The following ITSN2 variants were observed in gnomAD, a reference collection of about 807,000 sequenced individuals.
The protein encoded by ITSN2 is intersectin-2.
In ITSN2, 156 loss-of-function variants were observed where a neutral mutation model predicts 243.7. The ratio of observed to expected loss-of-function variants is 0.64; its 90% CI spans 0.56 to 0.73. The LOEUF (loss-of-function observed/expected upper bound fraction) is 0.73, where lower values mean the gene tolerates loss of function less well. Among genes scored for constraint, ITSN2 ranks in the 30% least tolerant of loss-of-function variants. The pLI, the probability that ITSN2 is intolerant of heterozygous loss-of-function variation, is 0.00. For missense variants in ITSN2, 1,801 were observed against 1,996.1 expected (o/e 0.90, Z 1.86); for synonymous variants, 703 against 699.9 (o/e 1.00, Z -0.07).
At chr2:24,274,395 C>G (rs972458126) in intron 18 of ITSN2, among the ~76,000 whole-genome samples, 1 of 152,004 alleles carries the variant, frequency 6.6e-6, no homozygotes, top group Non-Finnish European at 1.5e-5. Flanking sequence ...CACAGAGAGG[C>G]CTCATCCCTA....
intron 1 of ITSN2, among the ~76,000 whole-genome samples, chr2:24,341,373 T>C (rs962932626): frequency 1.3e-5 from 2 of 152,058 alleles, no homozygotes; most frequent in Non-Finnish European, 2.9e-5. Flanking sequence ...AGGGAAATCA[T>C]GTATAAGAAA....
intron 22 of ITSN2, among the ~76,000 whole-genome samples, chr2:24,258,302 C>T (rs1243996950): frequency 2.0e-5 from 3 of 152,148 alleles, no homozygotes; most frequent in Non-Finnish European, 4.4e-5. Flanking sequence ...GAAAACCCAC[C>T]ATTCAAAGAA....
At chr2:24,215,349 T>G (rs1418104508) in intron 32 of ITSN2, among the ~76,000 whole-genome samples, 1 of 152,222 alleles carries the variant, frequency 6.6e-6, no homozygotes, top group Non-Finnish European at 1.5e-5. Context: ...AAATTTTATC[T>G]TGTTGCATTT....
Position 24,328,049 on chromosome 2 carries a change from T to C in ITSN2, c.31+3A>G, listed in dbSNP as rs1239809224. ...ATCTTGCCACAAGCACAAAGCTGCT[T>C]ACCATTCATAGCTGTGGGAAACTGA... On this transcript the variant is annotated splice_donor_region_variant and intron_variant, in intron 2 of 39. Transcript: ENST00000355123. The C allele has an allele frequency of 6.2e-7, 1 of 1,613,230 alleles. No individual in the cohort carries two copies. The highest frequency in any genetic ancestry group is 1.7e-5 in the Admixed American group (1 of 59,976).
intron 4 of ITSN2, among the ~76,000 whole-genome samples, chr2:24,312,828 T>C (rs1176764454): frequency 2.0e-5 from 3 of 152,152 alleles, no homozygotes; most frequent in African/African-American, 7.2e-5. Context: ...GAGAATAGTT[T>C]CTTTAAAGAA....
In ITSN2 at chr2:24,249,547, A is replaced by G. The variant is rs1673839485; in HGVS notation, c.3121-665T>C. On this transcript the variant is annotated intron_variant, in intron 25 of 39. Coordinates refer to ENST00000355123, the MANE Select transcript of ITSN2 (RefSeq NM_006277.3). This position sits in a 1 kb window ranked among gnomAD's most constrained non-coding sequence, Gnocchi z 4.4. ...TAGTGAACATAGCTGCAGTACAAGT[A>G]TTAAGCAGAGTGGATGGTAGTTAAA... Among the ~76,000 whole-genome samples the G allele has an allele frequency of 6.6e-6, 1 of 152,246 alleles. No homozygotes were observed. The highest frequency in any genetic ancestry group is 1.5e-5 in the Non-Finnish European group (1 of 68,038).
chr2:24,222,684 T>A lies in ITSN2; in HGVS notation c.3578-1618A>T, dbSNP rs530791493. On this transcript the variant is annotated intron_variant, in intron 29 of 39. Transcript: ENST00000355123. ...TTTTCTTTTCTTTTTTTTTTTTTTT[T>A]TTTTTTTGGAGACAGAGTCTCCCTG... is the stretch of plus-strand genomic sequence containing the variant. 1.7e-4 allele frequency among the ~76,000 whole-genome samples: 24 copies of A among 139,972 alleles called. No individual in the cohort carries two copies. The South Asian group carries it at 5.8e-3, about 34-fold the overall frequency. The allele number at this position is 139,972 out of a possible 152,430, so 91.8% of individuals were successfully genotyped here.
chr2:24,242,234 G>C (rs1672815605), intron 29 of ITSN2: 1 of 152,446 alleles, frequency 6.6e-6, no homozygotes, highest in South Asian at 2.1e-4. Context: ...GGAATAAAAT[G>C]AACATAATGC....
At chr2:24,239,142 C>T (rs1672473272) in intron 29 of ITSN2, 1 of 152,488 alleles carries the variant, frequency 6.6e-6, no homozygotes, top group Non-Finnish European at 1.5e-5. Flanking sequence ...ACAGTAGCAT[C>T]ACAGCAGCAT....
In ITSN2 at chr2:24,256,225, AAATC is replaced by A. The variant is rs888598603; in HGVS notation, c.2888+1659_2888+1662del. Among the ~76,000 whole-genome samples the A allele has an allele frequency of 3.9e-5, 6 of 152,328 alleles. No individual in the cohort carries two copies. The East Asian group carries it at 9.6e-4, about 24-fold the overall frequency. ...GCCGAAAGAGCGAGACTCCATCTCA[AAATC>A]AATCAATCAATCAATCCAAAATTCC... is the stretch of plus-strand genomic sequence containing the variant. On this transcript the variant is annotated intron_variant, in intron 23 of 39. Transcript: ENST00000355123.
Position 24,274,071 on chromosome 2 carries a change from C to T in ITSN2, c.2081+1642G>A, listed in dbSNP as rs80202530. Among the ~76,000 whole-genome samples, 611 of 152,260 alleles carry T rather than the reference C, an allele frequency of 4.0e-3. 6 individuals carry two copies. The highest frequency in any genetic ancestry group is 0.014 in the African/African-American group (598 of 41,542). Reference sequence around the variant, plus strand: ...CTTTTGGCCTGAAAGGAATTGTGAACACGATGAAGAAAGATTAAGGTAACT... The same window carrying T: ...CTTTTGGCCTGAAAGGAATTGTGAATACGATGAAGAAAGATTAAGGTAACT... On this transcript the variant is annotated intron_variant, in intron 18 of 39. Coordinates refer to ENST00000355123, the MANE Select transcript of ITSN2 (RefSeq NM_006277.3).
At chr2:24,248,566 T>A in intron 27 of ITSN2, 63 bp downstream of exon 27, 1 of 1,392,290 alleles carries the variant, frequency 7.2e-7, no homozygotes, top group Non-Finnish European at 9.7e-7. Flanking sequence ...TAATTTTATC[T>A]TTTTTATGGA....
intron 29 of ITSN2, among the ~76,000 whole-genome samples, chr2:24,232,927 G>C (rs967861329): frequency 1.3e-5 from 2 of 152,128 alleles, no homozygotes; most frequent in Admixed American, 1.3e-4. Flanking sequence ...TAAATATTCT[G>C]AATGCCAATT....
chr2:24,309,314 T>G (rs947269610), intron 7 of ITSN2, among the ~76,000 whole-genome samples: 2 of 152,172 alleles, frequency 1.3e-5, no homozygotes, highest in Admixed American at 6.5e-5. Flanking sequence ...TGCCTCAGCC[T>G]CTCAAGTAGC....
intron 1 of ITSN2, among the ~76,000 whole-genome samples, chr2:24,347,445 G>C (rs1447950223): frequency 2.6e-5 from 4 of 152,158 alleles, no homozygotes; most frequent in African/African-American, 7.2e-5. Context: ...CCAGCCCTTT[G>C]GGAGGCTGAA....
intron 17 of ITSN2, among the ~76,000 whole-genome samples, chr2:24,281,265 G>C (rs1678739079): frequency 6.6e-6 from 1 of 152,050 alleles, no homozygotes; most frequent in South Asian, 2.1e-4. Flanking sequence ...ACTGACCTCA[G>C]GTGATCAACC....
intron 4 of ITSN2, among the ~76,000 whole-genome samples, chr2:24,313,038 A>C (rs1683447104): frequency 6.6e-6 from 1 of 151,934 alleles, no homozygotes; most frequent in African/African-American, 2.4e-5. Context: ...TATTTTCAAT[A>C]ATTTGCTCAA....
chr2:24,357,190 A>G (rs1451851915), intron 1 of ITSN2, among the ~76,000 whole-genome samples: 1 of 152,230 alleles, frequency 6.6e-6, no homozygotes, highest in Non-Finnish European at 1.5e-5. Context: ...TGTTTACTAC[A>G]GCACTATTTA....
intron 2 of ITSN2, chr2:24,321,828 G>A (rs1684608733): frequency 6.6e-6 from 1 of 152,116 alleles, no homozygotes; most frequent in Non-Finnish European, 1.5e-5. Context: ...ATTGAACCCT[G>A]ACTATTGTCA....
Sources: allele counts gnomAD v4.1 joint callset (sites outside exome capture counted in the v4.1 genomes callset), GRCh38; gene constraint gnomAD v4.1.1; non-coding constraint Gnocchi (gnomAD v3.1); transcripts MANE v1.5; gene names NCBI Gene and HGNC (gene_info 2026-07-23, HGNC 2026-07-21).